PPP3CC: variants seen among roughly 807,000 people sequenced by gnomAD.
The protein encoded by PPP3CC is serine/threonine-protein phosphatase 2B catalytic subunit gamma isoform.
Under a neutral mutation model 60.3 loss-of-function variants are expected in PPP3CC, and 35 were observed. The ratio of observed to expected loss-of-function variants is 0.58; its 90% CI spans 0.44 to 0.77. The LOEUF is 0.77. Among genes scored for constraint, PPP3CC ranks in the 30% least tolerant of loss-of-function variants. The probability of loss-of-function intolerance (pLI) is 0.00; values close to 1 mark genes in which losing one functional copy is unlikely to be tolerated. For missense variants in PPP3CC, 570 were observed against 628.9 expected (o/e 0.91, Z 1.00); for synonymous variants, 206 against 224.3 (o/e 0.92, Z 0.73).
intron 1 of PPP3CC, among the ~76,000 whole-genome samples, chr8:22,445,319 C>T (rs1258624909): frequency 6.6e-6 from 1 of 152,166 alleles, no homozygotes; most frequent in Non-Finnish European, 1.5e-5. Flanking sequence ...CTTTCCACAA[C>T]TCTCCCCCGA....
rs1181905694 is a variant in PPP3CC at position 22,510,986 on chromosome 8, TAAATG to T, written c.485-99_485-95del. ...AATTGTGCTTTCAAATCATCTAAAA[TAAATG>T]GCTCTAAAGTAGCTTCATATTCTCC... is the stretch of plus-strand genomic sequence containing the variant. On this transcript the variant is annotated intron_variant, in intron 4 of 13. Transcript: ENST00000240139. 17 of 1,255,990 alleles carry T rather than the reference TAAATG, an allele frequency of 1.4e-5. No individual in the cohort carries two copies. The African/African-American group carries it at 2.1e-4, about 16-fold the overall frequency. 77.8% of individuals were successfully genotyped at this position (1,255,990 alleles called of 1,614,324 possible).
intron 1 of PPP3CC, among the ~76,000 whole-genome samples, chr8:22,468,065 C>A (rs1017009616): frequency 2.0e-5 from 3 of 152,160 alleles, no homozygotes; most frequent in Non-Finnish European, 4.4e-5. Flanking sequence ...CAAATCATAG[C>A]AGCTGTTAAG....
intron 1 of PPP3CC, among the ~76,000 whole-genome samples, chr8:22,441,999 C>T (rs1482290323): frequency 1.3e-5 from 2 of 152,148 alleles, no homozygotes; most frequent in East Asian, 3.8e-4. Context: ...GTTTACGGAG[C>T]TCTTGACAGG....
chr8:22,461,697 G>A (rs981357849), intron 1 of PPP3CC, among the ~76,000 whole-genome samples: 1 of 152,042 alleles, frequency 6.6e-6, no homozygotes, highest in African/African-American at 2.4e-5. Context: ...CATCAGAAGA[G>A]CTGTGGGACC....
At chr8:22,492,671 C>A in intron 3 of PPP3CC, 4 of 739,842 alleles carry the variant, frequency 5.4e-6, no homozygotes, top group Non-Finnish European at 9.5e-6. Context: ...GGCACAAGTG[C>A]GCATTGGTGG....
In PPP3CC at chr8:22,459,845, G is replaced by A. The variant is rs184629764; in HGVS notation, c.50-15109G>A. Among the ~76,000 whole-genome samples the A allele has an allele frequency of 4.6e-5, 7 of 152,190 alleles. No individual in the cohort carries two copies. In the East Asian group the frequency reaches 9.6e-4, roughly 21 times the overall value. Reference sequence around the variant, plus strand: ...TAGGAAAAATCTTTGTGACTTTGGGGTAGACTATTTTCTTAGATAGGTCAT... The same window carrying A: ...TAGGAAAAATCTTTGTGACTTTGGGATAGACTATTTTCTTAGATAGGTCAT... On this transcript the variant is annotated intron_variant, in intron 1 of 13. Coordinates refer to ENST00000240139, the MANE Select transcript of PPP3CC (RefSeq NM_005605.5).
intron 5 of PPP3CC, among the ~76,000 whole-genome samples, chr8:22,512,284 A>G (rs1292270000): frequency 6.6e-6 from 1 of 152,242 alleles, no homozygotes; most frequent in Non-Finnish European, 1.5e-5. Flanking sequence ...TCTTTTAAGT[A>G]ACCAGCATTT....
chr8:22,501,733 AG>A (rs1457098337), intron 4 of PPP3CC, among the ~76,000 whole-genome samples: 1 of 152,170 alleles, frequency 6.6e-6, no homozygotes, highest in East Asian at 1.9e-4. Context: ...ACCTTAGGTC[AG>A]GCATGGTGGC....
At chr8:22,499,943 T>G (rs546632768) in intron 4 of PPP3CC, among the ~76,000 whole-genome samples, 1 of 152,222 alleles carries the variant, frequency 6.6e-6, no homozygotes, top group African/African-American at 2.4e-5. Context: ...AGCTCCATGC[T>G]AGCAGGGGTG....
chr8:22,527,625 CT>C (rs893326902), intron 9 of PPP3CC, 108 bp downstream of exon 9: 6 of 1,346,030 alleles, frequency 4.5e-6, no homozygotes, highest in Non-Finnish European at 6.0e-6. Flanking sequence ...TTTGTTTGTT[CT>C]CTACATAGAT....
chr8:22,494,342 C>T (rs577332004), intron 3 of PPP3CC, among the ~76,000 whole-genome samples: 1 of 152,150 alleles, frequency 6.6e-6, no homozygotes, highest in Non-Finnish European at 1.5e-5. Context: ...CATCAGATCT[C>T]ATGAGACTTT....
chr8:22,531,280 T>A, intron 10 of PPP3CC: 1 of 1,527,038 alleles, frequency 6.5e-7, no homozygotes, highest in Non-Finnish European at 8.8e-7. Flanking sequence ...TCCTTGTTTC[T>A]TGGTGTTTCT....
At chr8:22,518,452 T>G (rs1839312504) in intron 6 of PPP3CC, among the ~76,000 whole-genome samples, 1 of 152,206 alleles carries the variant, frequency 6.6e-6, no homozygotes, top group Admixed American at 6.5e-5. Flanking sequence ...GAAAAGATAC[T>G]TAGGACGATT....
At chr8:22,472,683 C>G (rs1837766310) in intron 1 of PPP3CC, among the ~76,000 whole-genome samples, 1 of 152,118 alleles carries the variant, frequency 6.6e-6, no homozygotes, top group African/African-American at 2.4e-5. Flanking sequence ...CATGAACATT[C>G]CTGTGTATTA....
intron 1 of PPP3CC, among the ~76,000 whole-genome samples, chr8:22,446,283 C>T (rs781019815): frequency 6.6e-6 from 1 of 152,058 alleles, no homozygotes; most frequent in East Asian, 1.9e-4. Context: ...CACTGGTTTC[C>T]ATCCCTAAAT....
chr8:22,486,732 G>GT (rs35858964), intron 3 of PPP3CC, among the ~76,000 whole-genome samples: 5,088 of 134,036 alleles, frequency 0.038, 118 homozygotes, highest in Non-Finnish European at 0.053. Flanking sequence ...TTTTTGTTTT[G>GT]TTTTTTTTTT....
At chr8:22,488,426 C>T (rs1479048753) in intron 3 of PPP3CC, among the ~76,000 whole-genome samples, 4 of 152,156 alleles carry the variant, frequency 2.6e-5, no homozygotes, top group Admixed American at 6.5e-5. Flanking sequence ...CTCATAATTA[C>T]GTACAATGAT....
chr8:22,484,494 A>G (rs1253348598), intron 3 of PPP3CC, among the ~76,000 whole-genome samples: 1 of 152,248 alleles, frequency 6.6e-6, no homozygotes, highest in Non-Finnish European at 1.5e-5. Flanking sequence ...ACAAAATGGA[A>G]TAAGGCCAAA....
At chr8:22,464,215 T>C (rs1837449555) in intron 1 of PPP3CC, among the ~76,000 whole-genome samples, 1 of 152,186 alleles carries the variant, frequency 6.6e-6, no homozygotes, top group African/African-American at 2.4e-5. Context: ...CACAAAAGTT[T>C]TAAGTTAATT....
Sources: allele counts gnomAD v4.1 joint callset (sites outside exome capture counted in the v4.1 genomes callset), GRCh38; gene constraint gnomAD v4.1.1; transcripts MANE v1.5; gene names NCBI Gene and HGNC (gene_info 2026-07-23, HGNC 2026-07-21).